WIPF2: variants seen among roughly 807,000 people sequenced by gnomAD.
The protein encoded by WIPF2 is WAS/WASL-interacting protein family member 2.
In WIPF2, 23 loss-of-function variants were observed where a neutral mutation model predicts 38.8. The ratio of observed to expected loss-of-function variants is 0.59; its 90% CI spans 0.43 to 0.84. WIPF2 has a LOEUF of 0.84. Ranked by LOEUF, WIPF2 falls within the 40% of genes least tolerant of loss-of-function variation. WIPF2 has a pLI of 0.00. For synonymous variants in WIPF2, 210 were observed against 223.2 expected (o/e 0.94, Z 0.53); for missense variants, 574 against 580.5 (o/e 0.99, Z 0.11).
rs975516689 is a variant in WIPF2, at chr17:40,281,816, CTG to C, written c.*3592_*3593del. 2 of 152,468 alleles carry C rather than the reference CTG, an allele frequency of 1.3e-5. No homozygotes were observed. Among genetic ancestry groups the C allele is most frequent in the African/African-American group, 4.8e-5 (2 of 41,350 alleles). 9.4% of individuals were successfully genotyped at this position (152,468 alleles called of 1,614,324 possible). On this transcript the variant is annotated 3_prime_UTR_variant, in exon 8 of 8. Transcript: ENST00000323571. ...CAGGGTCCTTCCATTTTGTGAAGCT[CTG>C]GGGGTGGAGTGTGGGCATCTGAGGC...
chr17:40,246,912 C>A (rs1430098571), intron 1 of WIPF2, among the ~76,000 whole-genome samples: 1 of 151,824 alleles, frequency 6.6e-6, no homozygotes, highest in East Asian at 2.0e-4. Context: ...TAGTTCGAGT[C>A]CAGTCTGGCC....
intron 1 of WIPF2, among the ~76,000 whole-genome samples, chr17:40,241,479 G>A (rs1334543242): frequency 6.6e-6 from 1 of 152,108 alleles, no homozygotes; most frequent in Non-Finnish European, 1.5e-5. Context: ...TCTTTCCTCT[G>A]ATTAACTCCC....
rs775685539 is a variant in WIPF2, at chr17:40,262,490, A to G, written c.197-35A>G. ...ATTTACTTGGTCACCAGCTGAGAGC[A>G]TGTGAAATGAAAACCCTACTGGTAT... On this transcript the variant is annotated intron_variant, in intron 3 of 7. Coordinates refer to ENST00000323571, the MANE Select transcript of WIPF2 (RefSeq NM_133264.5). 148 of 1,528,996 alleles carry G rather than the reference A, an allele frequency of 9.7e-5. 1 individual carries two copies. In the South Asian group the frequency reaches 1.3e-3, roughly 13 times the overall value. 94.7% of individuals were successfully genotyped at this position (1,528,996 alleles called of 1,614,324 possible). A position where few individuals can be genotyped will look rare whatever the true frequency, so the allele number is the denominator to read the frequency against.
chr17:40,276,740 C>T (rs538614994), intron 6 of WIPF2, among the ~76,000 whole-genome samples: 1 of 152,052 alleles, frequency 6.6e-6, no homozygotes, highest in South Asian at 2.1e-4. Context: ...TGGTGAAACC[C>T]CGTCTCTACT....
At chr17:40,270,554 G>C (rs1002944243) in intron 5 of WIPF2, among the ~76,000 whole-genome samples, 4 of 152,092 alleles carry the variant, frequency 2.6e-5, no homozygotes, top group African/African-American at 9.7e-5. Context: ...GCTGGTGTCG[G>C]TGTCCTTGTG....
At chr17:40,248,097 G>T (rs1598480850) in intron 1 of WIPF2, among the ~76,000 whole-genome samples, 1 of 125,282 alleles carries the variant, frequency 8.0e-6, no homozygotes, top group Non-Finnish European at 1.7e-5. Flanking sequence ...GTTGGTTGTT[G>T]TATTGAAAGG....
chr17:40,219,368 T>TGGC lies in WIPF2; in HGVS notation c.-165_-163dup, dbSNP rs60253561. On this transcript the variant is annotated 5_prime_UTR_variant, in exon 1 of 8. Coordinates refer to ENST00000323571, the MANE Select transcript of WIPF2 (RefSeq NM_133264.5). ...ATTTCCGGGTTGGCAAAAGGGGCGG[T>TGGC]GGCGGCGGCGGCGGCGGCGGCGGCG... 6,660 of 378,692 alleles carry TGGC rather than the reference T, an allele frequency of 0.018. 115 individuals carry two copies. The highest frequency in any genetic ancestry group is 0.051 in the Middle Eastern group (65 of 1,284). 23.5% of individuals were successfully genotyped at this position (378,692 alleles called of 1,614,324 possible). A position where few individuals can be genotyped will look rare whatever the true frequency, so the allele number is the denominator to read the frequency against.
intron 1 of WIPF2, among the ~76,000 whole-genome samples, chr17:40,245,274 C>A (rs756003558): frequency 2.0e-5 from 3 of 151,928 alleles, no homozygotes; most frequent in Admixed American, 1.3e-4. Context: ...AGACAGTAGA[C>A]GCTTGTCTTG....
chr17:40,250,545 G>A (rs746170652), intron 1 of WIPF2, among the ~76,000 whole-genome samples: 2 of 151,238 alleles, frequency 1.3e-5, no homozygotes, highest in South Asian at 2.1e-4. Flanking sequence ...CACCACACCC[G>A]GCCTTTATCT....
chr17:40,224,788 C>G (rs1180973495), intron 1 of WIPF2, among the ~76,000 whole-genome samples: 1 of 151,928 alleles, frequency 6.6e-6, no homozygotes, highest in Non-Finnish European at 1.5e-5. Flanking sequence ...ATAATGGCCT[C>G]TGTCAAAGCA....
chr17:40,246,215 T>G (rs2031357425), intron 1 of WIPF2, among the ~76,000 whole-genome samples: 1 of 149,330 alleles, frequency 6.7e-6, no homozygotes, highest in African/African-American at 2.5e-5. Flanking sequence ...GCCTCCAGAG[T>G]AGCTGGGATT....
intron 1 of WIPF2, among the ~76,000 whole-genome samples, chr17:40,254,092 C>T (rs1175509923): frequency 6.6e-6 from 1 of 151,232 alleles, no homozygotes; most frequent in Non-Finnish European, 1.5e-5. Flanking sequence ...TCTGGGCTTA[C>T]TGCAACCTCC....
chr17:40,220,595 A>ATATATG (rs1292304011), intron 1 of WIPF2: 1 of 77,076 alleles, frequency 1.3e-5, no homozygotes, highest in African/African-American at 5.8e-5. Flanking sequence ...ATATATATAT[A>ATATATG]TATATATATA....
intron 1 of WIPF2, among the ~76,000 whole-genome samples, chr17:40,234,455 A>AC (rs964250746): frequency 6.6e-6 from 1 of 151,956 alleles, no homozygotes; most frequent in African/African-American, 2.4e-5. Context: ...AAACAAACAA[A>AC]AAAAACAACC....
Position 40,256,463 on chromosome 17 carries a change from C to T in WIPF2, c.4C>T (p.Pro2Ser). 6.2e-7 allele frequency: 1 copy of T among 1,608,670 alleles called. No homozygotes were observed. Among genetic ancestry groups the T allele is most frequent in the African/African-American group, 1.3e-5 (1 of 74,696 alleles). ...GCCAACTGGGAGCAGGGCAAGAATG[C>T]CAATTCCTCCTCCCCCGCCACCCCC... is the stretch of plus-strand genomic sequence containing the variant. M[P>S]IPPPPPPPPG... The change falls in exon 2 of 8, where the codon CCA (proline) becomes TCA (serine). Residue 2 changes from proline (P) to serine (S), a missense_variant. Coordinates refer to ENST00000323571, the MANE Select transcript of WIPF2 (RefSeq NM_133264.5).
At chr17:40,254,475 G>A (rs1301217898) in intron 1 of WIPF2, among the ~76,000 whole-genome samples, 2 of 152,144 alleles carry the variant, frequency 1.3e-5, no homozygotes, top group Non-Finnish European at 2.9e-5. Flanking sequence ...GTCAAAAAAT[G>A]GGATTTCCTT....
chr17:40,259,783 G>A (rs557862671), intron 2 of WIPF2, among the ~76,000 whole-genome samples: 4 of 152,064 alleles, frequency 2.6e-5, no homozygotes, highest in East Asian at 1.9e-4. Context: ...TCCAAATGGC[G>A]ACAATGATAA....
rs2032555209 is a variant in WIPF2 at position 40,282,003 on chromosome 17, A to G, written c.*3778A>G. The stretch of plus-strand genomic sequence containing the variant: ...GGTGGCTTTCTGTTAAGCTACCCTA[A>G]TTTCGGGAATGGGAGGGGAGAGAGG... On this transcript the variant is annotated 3_prime_UTR_variant, in exon 8 of 8. Transcript: ENST00000323571. The G allele has an allele frequency of 6.7e-6, 1 of 149,830 alleles. No individual in the cohort carries two copies. Among genetic ancestry groups the G allele is most frequent in the South Asian group, 2.2e-4 (1 of 4,624 alleles). The allele number at this position is 149,830 out of a possible 1,614,324, so 9.3% of individuals were successfully genotyped here.
intron 1 of WIPF2, among the ~76,000 whole-genome samples, chr17:40,241,791 C>G (rs949498553): frequency 5.3e-5 from 8 of 152,220 alleles, no homozygotes; most frequent in African/African-American, 1.9e-4. Context: ...ATCAAAAGGA[C>G]ACAATTCTCC....
Sources: allele counts gnomAD v4.1 joint callset (sites outside exome capture counted in the v4.1 genomes callset), GRCh38; gene constraint gnomAD v4.1.1; transcripts MANE v1.5; gene names NCBI Gene and HGNC (gene_info 2026-07-23, HGNC 2026-07-21).